Variants in CCDC124 observed in about 807,000 individuals in gnomAD.
CCDC124 encodes the protein coiled-coil domain-containing protein 124.
In CCDC124, 9 loss-of-function variants were observed where a neutral mutation model predicts 19.8. The observed-to-expected ratio is 0.45, with a 90% confidence interval of 0.27 to 0.79. The LOEUF (loss-of-function observed/expected upper bound fraction) is 0.79. Among genes scored for constraint, CCDC124 ranks in the 30% least tolerant of loss-of-function variants. The probability of loss-of-function intolerance (pLI) is 0.14; values close to 1 mark genes in which losing one functional copy is unlikely to be tolerated. For synonymous variants in CCDC124, 126 were observed against 131.3 expected (o/e 0.96, Z 0.27); for missense variants, 285 against 319.0 (o/e 0.89, Z 0.81).
rs1368577802 is a variant in CCDC124 at position 17,936,528 on chromosome 19, T to C, written c.108T>C (p.Asp36=). ...ADAKKQKELE[D]AYWKDDDKHV... is the part of the protein sequence containing the mutation. ...CCAAGAAGCAGAAGGAGCTGGAGGA[T>C]GCCTACTGGAAGGACGACGACAAAC... is the stretch of plus-strand genomic sequence containing the variant. The change falls in exon 2 of 5, where the codon GAT becomes GAC. Residue 36 remains aspartate (D), a synonymous_variant. Coordinates refer to ENST00000445755, the MANE Select transcript of CCDC124 (RefSeq NM_001136203.2). The C allele has an allele frequency of 6.2e-7, 1 of 1,613,638 alleles. No homozygotes were observed. Among genetic ancestry groups the C allele is most frequent in the East Asian group, 2.2e-5 (1 of 44,870 alleles).
Position 17,943,759 on chromosome 19 carries a change from C to T in CCDC124, c.*44C>T. The T allele has an allele frequency of 6.4e-7, 1 of 1,567,000 alleles. No homozygotes were observed. Among genetic ancestry groups the T allele is most frequent in the Non-Finnish European group, 8.7e-7 (1 of 1,145,648 alleles). On this transcript the variant is annotated 3_prime_UTR_variant, in exon 5 of 5. Transcript: ENST00000445755. ...CAGTTCACCCACGGGTGGTCCAGGTCACGACTCTGCACGCCCTTAGGCCAG... is the reference window on the plus strand; with the variant it reads ...CAGTTCACCCACGGGTGGTCCAGGTTACGACTCTGCACGCCCTTAGGCCAG...
rs202119402 is a variant in CCDC124, at chr19:17,943,647, A to G, written c.604A>G (p.Lys202Glu). 6.2e-7 allele frequency: 1 copy of G among 1,612,864 alleles called. No homozygotes were observed. The highest frequency in any genetic ancestry group is 1.1e-5 in the South Asian group (1 of 91,082). Reference protein sequence around the residue: ...RLSQLKQLLKKEWLRSPDNPM... With the variant: ...RLSQLKQLLKEEWLRSPDNPM... ...GTCGCAGCTGAAACAGCTGCTCAAGAAGGAGTGGCTCCGCTCTCCTGACAA... is the reference window on the plus strand; with the variant it reads ...GTCGCAGCTGAAACAGCTGCTCAAGGAGGAGTGGCTCCGCTCTCCTGACAA... The change falls in exon 5 of 5, where the codon AAG becomes GAG. Residue 202 changes from lysine to glutamate, a missense_variant. Lys to Glu is a moderately conservative substitution (Grantham distance 56). Transcript: ENST00000445755.
intron 1 of CCDC124, among the ~76,000 whole-genome samples, chr19:17,935,560 A>G (rs1253112798): frequency 1.3e-5 from 2 of 151,894 alleles, no homozygotes; most frequent in East Asian, 3.9e-4. Context: ...AGCTGGGATT[A>G]TAGGCATGTG....
rs898908418 is a variant in CCDC124, at chr19:17,942,084, C to T, written c.160-572C>T. On this transcript the variant is annotated intron_variant, in intron 2 of 4. Coordinates refer to ENST00000445755, the MANE Select transcript of CCDC124 (RefSeq NM_001136203.2). This position sits in a 1 kb window ranked among gnomAD's most constrained non-coding sequence, Gnocchi z 4.2. ...CAGCATCAGGGCTTCCCTGGGCGGC[C>T]GATGTGGAATCAGTTTCAGCCTCAG... Among the ~76,000 whole-genome samples, 3 of 152,128 alleles carry T rather than the reference C, an allele frequency of 2.0e-5. No individual in the cohort carries two copies. The highest frequency in any genetic ancestry group is 3.9e-4 in the East Asian group (2 of 5,188).
At chr19:17,941,436 C>T (rs145057367) in intron 2 of CCDC124, among the ~76,000 whole-genome samples, 3,110 of 149,752 alleles carry the variant, frequency 0.021, 30 homozygotes, top group Non-Finnish European at 0.033. Flanking sequence ...TGCTTGAACT[C>T]GGGAGGCAGA....
chr19:17,935,425 C>CT (rs990711613), intron 1 of CCDC124, among the ~76,000 whole-genome samples: 71 of 147,288 alleles, frequency 4.8e-4, no homozygotes, highest in Middle Eastern at 3.5e-3. Flanking sequence ...AATTGTACAC[C>CT]TTTTTTTTTT....
rs1425654964 is a variant in CCDC124, at chr19:17,943,793, C to T, written c.*78C>T. 9.0e-6 allele frequency: 13 copies of T among 1,440,092 alleles called. No individual in the cohort carries two copies. In the East Asian group the frequency reaches 1.9e-4, roughly 21 times the overall value. The allele number at this position is 1,440,092 out of a possible 1,614,324, so 89.2% of individuals were successfully genotyped here. Reference sequence around the variant, plus strand: ...GCACGCCCTTAGGCCAGGTCAGCTGCGAGGGTCACAGAGCGTTCCGGGGGC... The same window carrying T: ...GCACGCCCTTAGGCCAGGTCAGCTGTGAGGGTCACAGAGCGTTCCGGGGGC... On this transcript the variant is annotated 3_prime_UTR_variant, in exon 5 of 5. Coordinates refer to ENST00000445755, the MANE Select transcript of CCDC124 (RefSeq NM_001136203.2).
In CCDC124 at chr19:17,942,899, G is replaced by T; in HGVS notation, c.349+54G>T. 6.9e-7 allele frequency: 1 copy of T among 1,458,522 alleles called. No individual in the cohort carries two copies. The highest frequency in any genetic ancestry group is 1.5e-5 in the South Asian group (1 of 68,644). The allele number at this position is 1,458,522 out of a possible 1,614,324, so 90.3% of individuals were successfully genotyped here. A position where few individuals can be genotyped will look rare whatever the true frequency, so the allele number is the denominator to read the frequency against. ...ACTTTTGCCCACTGCAGAGGCAGTG[G>T]ACCTTGAGTCCATTAGCCCCCTCCT... is the stretch of plus-strand genomic sequence containing the variant. On this transcript the variant is annotated intron_variant, in intron 3 of 4. Transcript: ENST00000445755. This position sits in a 1 kb window ranked among gnomAD's most constrained non-coding sequence, Gnocchi z 4.2.
At chr19:17,943,423 G>A in intron 4 of CCDC124, 48 bp downstream of exon 4, 4 of 1,548,986 alleles carry the variant, frequency 2.6e-6, no homozygotes, top group Non-Finnish European at 3.5e-6. Flanking sequence ...GCTGGTCATC[G>A]GGGGCGGGGC....
chr19:17,936,384 CCCCCAT>C lies in CCDC124; in HGVS notation c.-11-17_-11-12del. The C allele has an allele frequency of 6.3e-7, 1 of 1,586,066 alleles. No homozygotes were observed. Among genetic ancestry groups the C allele is most frequent in the African/African-American group, 1.3e-5 (1 of 74,536 alleles). On this transcript the variant is annotated intron_variant, in intron 1 of 4. Coordinates refer to ENST00000445755, the MANE Select transcript of CCDC124 (RefSeq NM_001136203.2). ...GCCGATGTCCCCTCCGGCCCCTGCT[CCCCCAT>C]CCCCATCCTCTTCCCGCAGCCTGCT...
chr19:17,937,426 C>T (rs1293179946), intron 2 of CCDC124, among the ~76,000 whole-genome samples: 1 of 152,124 alleles, frequency 6.6e-6, no homozygotes, highest in African/African-American at 2.4e-5. Flanking sequence ...GTGGATGTTT[C>T]TCTCCTTTGA....
chr19:17,937,137 C>G (rs992772139), intron 2 of CCDC124: 1 of 152,166 alleles, frequency 6.6e-6, no homozygotes, highest in Non-Finnish European at 1.5e-5. Flanking sequence ...AAAAATTAGC[C>G]AGGCATGGTG....
At chr19:17,943,185 GTC>G in intron 3 of CCDC124, 74 bp from the exon 4 acceptor site, 1 of 1,219,546 alleles carries the variant, frequency 8.2e-7, no homozygotes, top group Admixed American at 2.0e-5. Flanking sequence ...TCTCTTGCCA[GTC>G]TCTATCTCAT....
Position 17,936,623 on chromosome 19 carries a change from A to G in CCDC124, c.159+44A>G. 1.8e-5 allele frequency: 29 copies of G among 1,582,752 alleles called. 1 individual carries two copies. Among genetic ancestry groups the G allele is most frequent in the Non-Finnish European group, 2.5e-5 (29 of 1,162,674 alleles). On this transcript the variant is annotated intron_variant, in intron 2 of 4. Transcript: ENST00000445755. ...CCCGCGGCCCGCATGCCTTGTGGCC[A>G]AGGCCAGTGGTCATTATGTCAATGT... is the stretch of plus-strand genomic sequence containing the variant.
At position 17,942,686 on chromosome 19, in the gene CCDC124, C is replaced by G. The variant is rs1319498053; in HGVS notation, c.190C>G (p.Leu64Val). 1.9e-6 allele frequency: 3 copies of G among 1,556,532 alleles called. No homozygotes were observed. The African/African-American group carries it at 4.1e-5, about 21-fold the overall frequency. ...EEKEKRRLDQ[L>V]ERKKETQRLL... ...GAAGGAGAAGCGGCGCCTCGACCAG[C>G]TGGAACGTAAGAAGGAGACGCAGCG... Residue 64 changes from leucine (L) to valine (V), a missense_variant, in exon 3 of 5, where the codon CTG becomes GTG. By Grantham distance (32) the Leu-to-Val change is conservative. Coordinates refer to ENST00000445755, the MANE Select transcript of CCDC124 (RefSeq NM_001136203.2). This position sits in a 1 kb window ranked among gnomAD's most constrained non-coding sequence, Gnocchi z 4.2.
intron 2 of CCDC124, 63 bp downstream of exon 2, chr19:17,936,642 T>G: frequency 6.5e-7 from 1 of 1,549,106 alleles, no homozygotes; most frequent in Non-Finnish European, 8.8e-7. Flanking sequence ...GGTCATTATG[T>G]CAATGTGGGT....
Position 17,942,638 on chromosome 19 carries a change from T to C in CCDC124, c.160-18T>C, listed in dbSNP as rs1230184484. On this transcript the variant is annotated intron_variant, in intron 2 of 4. Coordinates refer to ENST00000445755, the MANE Select transcript of CCDC124 (RefSeq NM_001136203.2). The surrounding 1 kb of genome is among the most constrained non-coding windows in gnomAD (Gnocchi z 4.2). The stretch of plus-strand genomic sequence containing the variant: ...GGGTGTGGGGTCTTCTGCCTGACCA[T>C]GCACGCCGCCCCCGCAGGAGGAGAA... 5 of 1,551,312 alleles carry C rather than the reference T, an allele frequency of 3.2e-6. No homozygotes were observed. In the Admixed American group the frequency reaches 9.8e-5, roughly 30 times the overall value.
rs919312189 is a variant in CCDC124, at chr19:17,943,863, G to A, written c.*148G>A. Reference sequence around the variant, plus strand: ...GCCATGCTCTTATCACCAGCCACCCGTCCTCCCGCCAGAGGGTCCCTGCCC... The same window carrying A: ...GCCATGCTCTTATCACCAGCCACCCATCCTCCCGCCAGAGGGTCCCTGCCC... On this transcript the variant is annotated 3_prime_UTR_variant, in exon 5 of 5. Transcript: ENST00000445755. 9 of 733,390 alleles carry A rather than the reference G, an allele frequency of 1.2e-5. No homozygotes were observed. The Middle Eastern group carries it at 1.1e-3, about 92-fold the overall frequency. The allele number at this position is 733,390 out of a possible 1,614,324, so 45.4% of individuals were successfully genotyped here.
At chr19:17,941,579 C>T (rs77033562) in intron 2 of CCDC124, among the ~76,000 whole-genome samples, 13,391 of 151,774 alleles carry the variant, frequency 0.088, 672 homozygotes, top group Non-Finnish European at 0.12. Flanking sequence ...CGGGGAGCCT[C>T]GGGACGTTGC....
Sources: gnomAD v4.1 joint callset for allele counts (sites outside exome capture counted in the v4.1 genomes callset) on GRCh38, gnomAD v4.1.1 for gene constraint, Gnocchi (gnomAD v3.1) non-coding constraint, MANE v1.5 for transcripts, NCBI Gene and HGNC (gene_info 2026-07-23, HGNC 2026-07-21) for gene names.